DIS3L2: variants seen among roughly 807,000 people sequenced by gnomAD.
DIS3L2 encodes the protein DIS3-like exonuclease 2.
In DIS3L2, 34 loss-of-function variants were observed where a neutral mutation model predicts 97.5. The ratio of observed to expected loss-of-function variants is 0.35; its 90% CI spans 0.27 to 0.46. The LOEUF (loss-of-function observed/expected upper bound fraction) is 0.46. Among genes scored for constraint, DIS3L2 ranks in the 20% least tolerant of loss-of-function variants. DIS3L2 has a pLI of 1.00. For missense variants in DIS3L2, 1,038 were observed against 1,146.0 expected (o/e 0.91, Z 1.36); for synonymous variants, 435 against 445.2 (o/e 0.98, Z 0.29).
intron 13 of DIS3L2, among the ~76,000 whole-genome samples, chr2:232,274,469 T>C (rs961033340): frequency 1.1e-4 from 17 of 152,244 alleles, no homozygotes; most frequent in Admixed American, 3.3e-4. Flanking sequence ...CCCTTGCAGC[T>C]GACCCTTAGA....
intron 9 of DIS3L2, among the ~76,000 whole-genome samples, chr2:232,190,522 A>C (rs1351636228): frequency 6.6e-6 from 1 of 152,038 alleles, no homozygotes; most frequent in Admixed American, 6.6e-5. Flanking sequence ...AGATGAGTAA[A>C]ATTTGGATAT....
intron 9 of DIS3L2, among the ~76,000 whole-genome samples, chr2:232,181,394 T>C (rs1445937095): frequency 6.6e-6 from 1 of 152,210 alleles, no homozygotes; most frequent in African/African-American, 2.4e-5. Flanking sequence ...CTGGATGATA[T>C]CCTGCAGAGT....
intron 10 of DIS3L2, among the ~76,000 whole-genome samples, chr2:232,232,854 T>C (rs1329289795): frequency 2.0e-5 from 3 of 151,998 alleles, no homozygotes; most frequent in Non-Finnish European, 2.9e-5. Flanking sequence ...GGGGTAGAAT[T>C]AGAAGAGAAG....
Position 232,336,623 on chromosome 2 carries a change from C to G in DIS3L2, c.2651C>G (p.Thr884Ser). Reference sequence around the variant, plus strand: ...GACGGTGAGCCCGAGGACTCAAGCACCAGCTGAGCTCCACCAGCCGCCTGC... The same window carrying G: ...GACGGTGAGCCCGAGGACTCAAGCAGCAGCTGAGCTCCACCAGCCGCCTGC... The part of the protein sequence containing the change: ...ESDGEPEDSS[T>S]S The change falls in exon 21 of 21, where the codon ACC (threonine) becomes AGC (serine). Residue 884 changes from threonine (T) to serine (S), a missense_variant. Coordinates refer to ENST00000325385, the MANE Select transcript of DIS3L2 (RefSeq NM_152383.5). 2 of 1,601,240 alleles carry G rather than the reference C, an allele frequency of 1.2e-6. No individual in the cohort carries two copies. Among genetic ancestry groups the G allele is most frequent in the Non-Finnish European group, 1.7e-6 (2 of 1,177,734 alleles).
downstream of DIS3L2, among the ~76,000 whole-genome samples, chr2:232,341,653 T>C (rs746153718): frequency 4.6e-5 from 7 of 152,184 alleles, no homozygotes; most frequent in Admixed American, 4.6e-4. Context: ...AGCTAAATGC[T>C]CATTTTCCTC....
rs2106217920 is a variant in DIS3L2 at position 232,210,346 on chromosome 2, T to C, written c.1145T>C (p.Ile382Thr). Residue 382 changes from isoleucine to threonine, a missense_variant, in exon 10 of 21, where the codon ATT (isoleucine) becomes ACT (threonine). By Grantham distance (89) the Ile-to-Thr change is moderately conservative. This residue lies in a region of DIS3L2 where 813 missense variants were observed against 880.1 expected (regional missense o/e 0.92). Transcript: ENST00000325385. ...RDLRKDCIFT[I>T]DPSTARDLDD... ...CCTAGAAAAGACTGTATCTTCACCA[T>C]TGACCCATCAACCGCCCGAGACCTC... The C allele has an allele frequency of 6.2e-7, 1 of 1,613,582 alleles. No individual in the cohort carries two copies.
intron 6 of DIS3L2, among the ~76,000 whole-genome samples, chr2:232,108,490 C>T (rs10183715): frequency 0.12 from 18,093 of 152,160 alleles, 2,636 homozygotes; most frequent in African/African-American, 0.34. Flanking sequence ...TGAAAACCCT[C>T]ATAAGACAAG....
chr2:232,036,731 G>T (rs186586516), intron 5 of DIS3L2, among the ~76,000 whole-genome samples: 1 of 152,268 alleles, frequency 6.6e-6, no homozygotes, highest in East Asian at 1.9e-4. Flanking sequence ...TGTTGATGTT[G>T]ATGCTATTGC....
rs1391643658 is a variant in DIS3L2, at chr2:232,276,552, C to T, written c.1659+13112C>T. Among the ~76,000 whole-genome samples the T allele has an allele frequency of 6.6e-6, 1 of 152,246 alleles. No homozygotes were observed. The highest frequency in any genetic ancestry group is 6.5e-5 in the Admixed American group (1 of 15,284). Reference sequence around the variant, plus strand: ...GTCCTGTTTGCCCAGAGGCCTCGCTCAGACTTGTTCCTTTTTGGTACATGT... The same window carrying T: ...GTCCTGTTTGCCCAGAGGCCTCGCTTAGACTTGTTCCTTTTTGGTACATGT... On this transcript the variant is annotated intron_variant, in intron 13 of 20. Transcript: ENST00000325385. The surrounding 1 kb of genome is among the most constrained non-coding windows in gnomAD (Gnocchi z 4.4).
At chr2:232,280,373 G>A (rs1193116122) in intron 13 of DIS3L2, among the ~76,000 whole-genome samples, 1 of 152,098 alleles carries the variant, frequency 6.6e-6, no homozygotes, top group African/African-American at 2.4e-5. Flanking sequence ...TTGAAAAGAG[G>A]GTATGGGATG....
intron 14 of DIS3L2, among the ~76,000 whole-genome samples, chr2:232,308,198 G>A (rs935117223): frequency 2.0e-5 from 3 of 152,210 alleles, no homozygotes; most frequent in Non-Finnish European, 4.4e-5. Context: ...AGTTTTGGGG[G>A]TGCAGTTGCC....
intron 6 of DIS3L2, among the ~76,000 whole-genome samples, chr2:232,127,171 A>G (rs1206489675): frequency 6.6e-6 from 1 of 152,160 alleles, no homozygotes; most frequent in East Asian, 1.9e-4. Flanking sequence ...CTGTTTGTAA[A>G]GCTACAGCCC....
intron 8 of DIS3L2, among the ~76,000 whole-genome samples, chr2:232,155,916 G>A (rs1690481893): frequency 6.6e-6 from 1 of 152,018 alleles, no homozygotes; most frequent in African/African-American, 2.4e-5. Context: ...TGTGAACCCG[G>A]GAGGCGGAGC....
intron 6 of DIS3L2, among the ~76,000 whole-genome samples, chr2:232,095,146 T>C (rs1370709937): frequency 6.6e-6 from 1 of 152,232 alleles, no homozygotes; most frequent in Non-Finnish European, 1.5e-5. Context: ...TCAGTCCAGT[T>C]ACATTCAGTG....
At chr2:232,051,835 A>T (rs1005099207) in intron 5 of DIS3L2, among the ~76,000 whole-genome samples, 5 of 149,980 alleles carry the variant, frequency 3.3e-5, no homozygotes, top group Non-Finnish European at 7.4e-5. Flanking sequence ...AAAAAAAAAA[A>T]AAAAGAACTA....
At position 232,327,041 on chromosome 2, in the gene DIS3L2, G is replaced by C. The variant is rs538203535; in HGVS notation, c.1740-2772G>C. Among the ~76,000 whole-genome samples the C allele has an allele frequency of 4.6e-5, 7 of 152,274 alleles. No homozygotes were observed. The South Asian group carries it at 1.5e-3, about 32-fold the overall frequency. ...TCCCCTCCCTCCTGTCCTTGTCCTCGTGTTTACTGAAAACCATGAGAAGGG... is the reference window on the plus strand; with the variant it reads ...TCCCCTCCCTCCTGTCCTTGTCCTCCTGTTTACTGAAAACCATGAGAAGGG... On this transcript the variant is annotated intron_variant, in intron 14 of 20. Coordinates refer to ENST00000325385, the MANE Select transcript of DIS3L2 (RefSeq NM_152383.5).
intron 5 of DIS3L2, among the ~76,000 whole-genome samples, chr2:232,077,359 A>G (rs1476915195): frequency 6.6e-6 from 1 of 150,858 alleles, no homozygotes; most frequent in Non-Finnish European, 1.5e-5. Context: ...AACTAACTTC[A>G]GGATGTATCT....
chr2:231,987,004 G>A (rs1693431657), intron 1 of DIS3L2, among the ~76,000 whole-genome samples: 1 of 152,156 alleles, frequency 6.6e-6, no homozygotes, highest in South Asian at 2.1e-4. Context: ...TAACATTTAT[G>A]GTACTTTATG....
intron 1 of DIS3L2, among the ~76,000 whole-genome samples, chr2:231,962,915 T>C (rs1229787365): frequency 6.6e-6 from 1 of 152,158 alleles, no homozygotes; most frequent in Non-Finnish European, 1.5e-5. Flanking sequence ...GGACATGATA[T>C]CTTCCTTTTT....
Sources: gnomAD v4.1 joint callset for allele counts (sites outside exome capture counted in the v4.1 genomes callset) on GRCh38, gnomAD v4.1.1 for gene constraint, gnomAD v4.1.1 regional missense constraint, Gnocchi (gnomAD v3.1) non-coding constraint, MANE v1.5 for transcripts, NCBI Gene and HGNC (gene_info 2026-07-23, HGNC 2026-07-21) for gene names.